SPEG: variants seen among roughly 807,000 people sequenced by gnomAD.
SPEG encodes striated muscle preferentially expressed protein kinase.
Under a neutral mutation model 300.4 loss-of-function variants are expected in SPEG, and 114 were observed. That is an observed-to-expected ratio of 0.38 (90% CI 0.33 to 0.44). The LOEUF (loss-of-function observed/expected upper bound fraction) is 0.44. Among genes scored for constraint, SPEG ranks in the 20% least tolerant of loss-of-function variants. The probability of loss-of-function intolerance (pLI) is 1.00; values close to 1 mark genes in which losing one functional copy is unlikely to be tolerated. For synonymous variants in SPEG, 1,964 were observed against 2,018.9 expected, an observed-to-expected ratio of 0.97 and a Z score of 0.73; for missense variants, 4,201 against 4,586.2, an observed-to-expected ratio of 0.92 and a Z score of 2.43.
At position 219,473,916 on chromosome 2, in the gene SPEG, G is replaced by T; in HGVS notation, c.4447+13G>T. ...TTGGAGCTGGCAGGTGGGTGACAGC[G>T]GGCCTTCTTCCTAGCCTCCCTCCAA... On this transcript the variant is annotated intron_variant, in intron 18 of 40. Transcript: ENST00000312358. This position sits in a 1 kb window ranked among gnomAD's most constrained non-coding sequence, Gnocchi z 4.6. The T allele has an allele frequency of 6.3e-7, 1 of 1,597,076 alleles. No individual in the cohort carries two copies. Among genetic ancestry groups the T allele is most frequent in the Non-Finnish European group, 8.5e-7 (1 of 1,170,958 alleles).
In SPEG at chr2:219,477,696, A is replaced by G; in HGVS notation, c.4737A>G (p.Thr1579=). 6.3e-7 allele frequency: 1 copy of G among 1,582,130 alleles called. No homozygotes were observed. Among genetic ancestry groups the G allele is most frequent in the Non-Finnish European group, 8.6e-7 (1 of 1,161,750 alleles). The change falls in exon 21 of 41, where the codon ACA becomes ACG. Residue 1579 remains threonine, a synonymous_variant. Transcript: ENST00000312358. The surrounding 1 kb of genome is among the most constrained non-coding windows in gnomAD (Gnocchi z 6.4). ...ATGACATCTCTGCCCCAGCTCAGACAGCTATGGAGGTCGAGGGGGTCGGGG... is the reference window on the plus strand; with the variant it reads ...ATGACATCTCTGCCCCAGCTCAGACGGCTATGGAGGTCGAGGGGGTCGGGG... The part of the protein sequence containing the change: ...KAELAVHSAQ[T]AMEVEGVGED...
In SPEG at chr2:219,480,161, T is replaced by TGGGCC. The variant is rs775056461; in HGVS notation, c.5342+23_5342+27dup. The TGGGCC allele has an allele frequency of 6.2e-7, 1 of 1,611,884 alleles. No homozygotes were observed. Among genetic ancestry groups the TGGGCC allele is most frequent in the Non-Finnish European group, 8.5e-7 (1 of 1,178,734 alleles). Reference sequence around the variant, plus strand: ...ATCTGGTAAGGCTGGCATGCTGGGCTGGGCCGACCAGGGCAGCTGCCCTTG... The same window carrying TGGGCC: ...ATCTGGTAAGGCTGGCATGCTGGGCTGGGCCGGGCCGACCAGGGCAGCTGCCCTTG... On this transcript the variant is annotated intron_variant, in intron 25 of 40. Coordinates refer to ENST00000312358, the MANE Select transcript of SPEG (RefSeq NM_005876.5). This position sits in a 1 kb window ranked among gnomAD's most constrained non-coding sequence, Gnocchi z 5.3.
chr2:219,480,536 C>A lies in SPEG; in HGVS notation c.5343-135C>A. 4 of 882,934 alleles carry A rather than the reference C, an allele frequency of 4.5e-6. No homozygotes were observed. Among genetic ancestry groups the A allele is most frequent in the Non-Finnish European group, 7.5e-6 (4 of 531,952 alleles). 54.7% of individuals were successfully genotyped at this position (882,934 alleles called of 1,614,324 possible). ...AGGTTCAGGGTCCTCCCTGAAGAAG[C>A]CACTCCTGTGCCCATTGTCCATGGC... On this transcript the variant is annotated intron_variant, in intron 25 of 40. Coordinates refer to ENST00000312358, the MANE Select transcript of SPEG (RefSeq NM_005876.5). The surrounding 1 kb of genome is among the most constrained non-coding windows in gnomAD (Gnocchi z 5.3).
chr2:219,471,233 AGAG>A (rs1691847912), intron 13 of SPEG, among the ~76,000 whole-genome samples: 1 of 152,150 alleles, frequency 6.6e-6, no homozygotes, highest in Non-Finnish European at 1.5e-5. Flanking sequence ...GCCTTAGGTA[AGAG>A]GAGAGCATTC....
Position 219,448,345 on chromosome 2 carries a change from C to G in SPEG, c.1187C>G (p.Ala396Gly), listed in dbSNP as rs764886342. The G allele has an allele frequency of 6.3e-7, 1 of 1,590,696 alleles. No homozygotes were observed. Among genetic ancestry groups the G allele is most frequent in the Non-Finnish European group, 8.5e-7 (1 of 1,170,234 alleles). The change falls in exon 4 of 41, where the codon GCC becomes GGC. Residue 396 changes from alanine (A) to glycine (G), a missense_variant. Physicochemically the swap from Ala to Gly is moderately conservative, Grantham distance 60 (BLOSUM62 0). Around this residue, in one of 4 missense-constraint regions of SPEG, gnomAD observed 1,258 missense variants for 1,293.9 expected, o/e 0.97. Transcript: ENST00000312358. ...GGCCGATCGCCTAGGCTGGTGCGCGCCGGCTCCCGCATCCTGGACAAGCTG... is the reference window on the plus strand; with the variant it reads ...GGCCGATCGCCTAGGCTGGTGCGCGGCGGCTCCCGCATCCTGGACAAGCTG... The part of the protein sequence containing the change: ...ALGRSPRLVR[A>G]GSRILDKLQF...
In SPEG at chr2:219,490,429, G is replaced by A. The variant is rs1386245180; in HGVS notation, c.8942G>A (p.Arg2981Gln). The A allele has an allele frequency of 5.0e-6, 8 of 1,612,096 alleles. No homozygotes were observed. Among genetic ancestry groups the A allele is most frequent in the South Asian group, 3.3e-5 (3 of 91,014 alleles). ...EKARGRFGVVRACRENATGRT... is the reference protein window; with the variant it reads ...EKARGRFGVVQACRENATGRT... Reference sequence around the variant, plus strand: ...CACAGGGGCCGCTTTGGTGTTGTGCGAGCGTGCCGGGAGAATGCCACGGGG... The same window carrying A: ...CACAGGGGCCGCTTTGGTGTTGTGCAAGCGTGCCGGGAGAATGCCACGGGG... The change falls in exon 37 of 41, where the codon CGA becomes CAA. Residue 2981 changes from arginine (R) to glutamine (Q), a missense_variant. Coordinates refer to ENST00000312358, the MANE Select transcript of SPEG (RefSeq NM_005876.5).
chr2:219,446,178 G>A (rs1199694783), intron 3 of SPEG, among the ~76,000 whole-genome samples: 1 of 152,118 alleles, frequency 6.6e-6, no homozygotes, highest in African/African-American at 2.4e-5. Context: ...GCCACGGCCA[G>A]GGGGAGGCTC....
chr2:219,473,301 G>T lies in SPEG; in HGVS notation c.4148-203G>T. 1.4e-6 allele frequency: 1 copy of T among 739,160 alleles called. No homozygotes were observed. The highest frequency in any genetic ancestry group is 2.2e-6 in the Non-Finnish European group (1 of 456,876). 45.8% of individuals were successfully genotyped at this position (739,160 alleles called of 1,614,324 possible). A position where few individuals can be genotyped will look rare whatever the true frequency, so the allele number is the denominator to read the frequency against. The stretch of plus-strand genomic sequence containing the variant: ...GGCTGAAGCTCAGGCTTTGGGATCG[G>T]GCCTGCTGGGGTCCAACCCCACAAC... On this transcript the variant is annotated intron_variant, in intron 16 of 40. Transcript: ENST00000312358. This position sits in a 1 kb window ranked among gnomAD's most constrained non-coding sequence, Gnocchi z 4.6.
intron 1 of SPEG, among the ~76,000 whole-genome samples, chr2:219,442,892 C>T (rs1277348330): frequency 6.6e-6 from 1 of 152,138 alleles, no homozygotes; most frequent in Non-Finnish European, 1.5e-5. Flanking sequence ...CTCCCCTGCT[C>T]CTCCCAAGAG....
intron 3 of SPEG, among the ~76,000 whole-genome samples, chr2:219,446,646 T>A (rs1478565167): frequency 1.3e-5 from 2 of 152,170 alleles, no homozygotes; most frequent in Non-Finnish European, 2.9e-5. Context: ...CTACTACTTG[T>A]CCTCCCTTCT....
chr2:219,461,750 G>C lies in SPEG; in HGVS notation c.2441-132G>C. Reference sequence around the variant, plus strand: ...AAGCTGGGCGAGGTCGCAGGAGCCTGGGGGTGAAGTCAGGGCAGGGCCGGC... The same window carrying C: ...AAGCTGGGCGAGGTCGCAGGAGCCTCGGGGTGAAGTCAGGGCAGGGCCGGC... On this transcript the variant is annotated intron_variant, in intron 6 of 40. Transcript: ENST00000312358. The C allele has an allele frequency of 1.5e-5, 15 of 1,020,088 alleles. No homozygotes were observed. In the Middle Eastern group the frequency reaches 1.0e-3, roughly 68 times the overall value. 63.2% of individuals were successfully genotyped at this position (1,020,088 alleles called of 1,614,324 possible).
chr2:219,491,880 C>T lies in SPEG; in HGVS notation c.9461+11C>T, dbSNP rs778333231. Reference sequence around the variant, plus strand: ...GCTCACTTACATTATGTGAGTGTCCCCTACCCCACCGCAGCCCTCTCTGCC... The same window carrying T: ...GCTCACTTACATTATGTGAGTGTCCTCTACCCCACCGCAGCCCTCTCTGCC... On this transcript the variant is annotated intron_variant, in intron 39 of 40. Coordinates refer to ENST00000312358, the MANE Select transcript of SPEG (RefSeq NM_005876.5). 2.5e-6 allele frequency: 4 copies of T among 1,586,102 alleles called. No individual in the cohort carries two copies. The African/African-American group carries it at 5.4e-5, about 21-fold the overall frequency.
At chr2:219,461,816 T>G in intron 6 of SPEG, 66 bp from the exon 7 acceptor site, 1 of 1,527,558 alleles carries the variant, frequency 6.5e-7, no homozygotes, top group Non-Finnish European at 9.0e-7. Flanking sequence ...TGGGCGACAT[T>G]CCAGCCAGCT....
At position 219,477,553 on chromosome 2, in the gene SPEG, C is replaced by T; in HGVS notation, c.4729+108C>T. ...CAGCCCTGGACTCGAGCCACCACACCCCCAGCCCAGCACCCCGCCTTGAGC... is the reference window on the plus strand; with the variant it reads ...CAGCCCTGGACTCGAGCCACCACACTCCCAGCCCAGCACCCCGCCTTGAGC... On this transcript the variant is annotated intron_variant, in intron 20 of 40. Coordinates refer to ENST00000312358, the MANE Select transcript of SPEG (RefSeq NM_005876.5). This position sits in a 1 kb window ranked among gnomAD's most constrained non-coding sequence, Gnocchi z 6.4. The T allele has an allele frequency of 7.2e-7, 1 of 1,391,780 alleles. No homozygotes were observed. Among genetic ancestry groups the T allele is most frequent in the Non-Finnish European group, 9.7e-7 (1 of 1,032,286 alleles). 86.2% of individuals were successfully genotyped at this position (1,391,780 alleles called of 1,614,324 possible).
intron 6 of SPEG, chr2:219,460,612 G>T (rs991076064): frequency 9.1e-6 from 9 of 985,324 alleles, no homozygotes; most frequent in Admixed American, 6.1e-5. Flanking sequence ...GGCAGATCCC[G>T]CGGCTTGGGA....
rs1477954396 is a variant in SPEG at position 219,477,086 on chromosome 2, G to A, written c.4560+104G>A. ...AGGAGGGCGGAGCCCGGGCAGAGGC[G>A]TGGTTAGGAGGAGGAAAGGGGCTGC... is the stretch of plus-strand genomic sequence containing the variant. On this transcript the variant is annotated intron_variant, in intron 19 of 40. Coordinates refer to ENST00000312358, the MANE Select transcript of SPEG (RefSeq NM_005876.5). This position sits in a 1 kb window ranked among gnomAD's most constrained non-coding sequence, Gnocchi z 6.4. 2 of 1,120,042 alleles carry A rather than the reference G, an allele frequency of 1.8e-6. No individual in the cohort carries two copies. Among genetic ancestry groups the A allele is most frequent in the Non-Finnish European group, 2.5e-6 (2 of 789,780 alleles). The allele number at this position is 1,120,042 out of a possible 1,614,324, so 69.4% of individuals were successfully genotyped here.
At chr2:219,465,866 TGCGTGTGTGC>T (rs1691241984) in intron 9 of SPEG, 1 of 619,384 alleles carries the variant, frequency 1.6e-6, no homozygotes, top group African/African-American at 1.9e-5. Flanking sequence ...TGCATGTGTG[TGCGTGTGTGC>T]GTGCGTGTGC....
intron 4 of SPEG, among the ~76,000 whole-genome samples, chr2:219,449,661 A>G (rs991436651): frequency 2.0e-5 from 3 of 152,150 alleles, no homozygotes; most frequent in African/African-American, 7.2e-5. Flanking sequence ...CATACCCCCA[A>G]TCCCTCTGTT....
chr2:219,448,703 G>A lies in SPEG; in HGVS notation c.1545G>A (p.Glu515=), dbSNP rs755071025. The change falls in exon 4 of 41, where the codon GAG becomes GAA. Residue 515 remains glutamate, a synonymous_variant. Transcript: ENST00000312358. ...GGGAGGAGCTGGTGCGCTCGCACGA[G>A]TCCCTGCGCGCCACGCTGCAGCGTG... is the stretch of plus-strand genomic sequence containing the variant. ...TSREELVRSH[E]SLRATLQRAP... 16 of 1,493,588 alleles carry A rather than the reference G, an allele frequency of 1.1e-5. No homozygotes were observed. In the South Asian group the frequency reaches 1.1e-4, roughly 10 times the overall value. 92.5% of individuals were successfully genotyped at this position (1,493,588 alleles called of 1,614,324 possible). A position where few individuals can be genotyped will look rare whatever the true frequency, so the allele number is the denominator to read the frequency against.
Sources: gnomAD v4.1 joint callset for allele counts (sites outside exome capture counted in the v4.1 genomes callset) on GRCh38, gnomAD v4.1.1 for gene constraint, gnomAD v4.1.1 regional missense constraint, Gnocchi (gnomAD v3.1) non-coding constraint, MANE v1.5 for transcripts, NCBI Gene and HGNC (gene_info 2026-07-23, HGNC 2026-07-21) for gene names.